LEMD1: variants seen among roughly 807,000 people sequenced by gnomAD.
LEMD1 encodes the protein LEM domain-containing protein 1.
Under a neutral mutation model 17.4 loss-of-function variants are expected in LEMD1, and 18 were observed. That is an observed-to-expected ratio of 1.04 (90% CI 0.72 to 1.54). The LOEUF is 1.54. Among genes scored for constraint, LEMD1 ranks in the 40% most tolerant of loss-of-function variants. The pLI is 0.00. For synonymous variants in LEMD1, 88 were observed against 77.8 expected (o/e 1.13, Z -0.69); for missense variants, 195 against 210.4 (o/e 0.93, Z 0.45).
At chr1:205,399,790 C>T (rs558416377) in intron 4 of LEMD1, among the ~76,000 whole-genome samples, 30 of 152,282 alleles carry the variant, frequency 2.0e-4, no homozygotes, top group Non-Finnish European at 3.5e-4. Context: ...TTCATACTTA[C>T]ATGAATGAAT....
rs1042556861 is a variant in LEMD1, at chr1:205,441,784, G to A, written c.-39+8084C>T. Among the ~76,000 whole-genome samples, 1 of 152,176 alleles carries A rather than the reference G, an allele frequency of 6.6e-6. No homozygotes were observed. The highest frequency in any genetic ancestry group is 1.5e-5 in the Non-Finnish European group (1 of 68,032). On this transcript the variant is annotated intron_variant, in intron 1 of 3. Coordinates refer to the LEMD1 transcript ENST00000367154. The surrounding 1 kb of genome is among the most constrained non-coding windows in gnomAD (Gnocchi z 4.3). The stretch of plus-strand genomic sequence containing the variant: ...AGGGTTGAGAGGTAGATACAAAAGG[G>A]TAAAGACATGGTTTCTTCCCTGGCA...
chr1:205,427,655 C>T (rs1666075129), intron 1 of LEMD1, among the ~76,000 whole-genome samples: 1 of 152,104 alleles, frequency 6.6e-6, no homozygotes, highest in Non-Finnish European at 1.5e-5. Context: ...CCTTAGAATC[C>T]AGGAGTGTTG....
intron 4 of LEMD1, among the ~76,000 whole-genome samples, chr1:205,395,420 C>T (rs566444081): frequency 2.8e-4 from 43 of 151,802 alleles, no homozygotes; most frequent in African/African-American, 1.0e-3. Context: ...CATGGAGAAA[C>T]CCTGTCTCTA....
At chr1:205,436,893 A>C (rs1401905856) in intron 1 of LEMD1, 6 of 152,284 alleles carry the variant, frequency 3.9e-5, no homozygotes, top group African/African-American at 1.4e-4. Flanking sequence ...CACATCTGAT[A>C]AGTGTGCCCT....
intron 1 of LEMD1, among the ~76,000 whole-genome samples, chr1:205,421,626 A>G (rs950546716): frequency 9.2e-5 from 14 of 152,182 alleles, no homozygotes; most frequent in Non-Finnish European, 1.2e-4. Flanking sequence ...CTTTAAAGAG[A>G]GTTACATTCT....
At chr1:205,412,624 T>C (rs541280435) in intron 4 of LEMD1, among the ~76,000 whole-genome samples, 1 of 152,338 alleles carries the variant, frequency 6.6e-6, no homozygotes, top group East Asian at 1.9e-4. Flanking sequence ...TCTCAATAAA[T>C]ACACCTTCTA....
At chr1:205,416,112 A>T in intron 4 of LEMD1, 120 bp downstream of exon 4, 1 of 607,386 alleles carries the variant, frequency 1.6e-6, no homozygotes, top group Non-Finnish European at 2.7e-6. Context: ...TTAAACTAGG[A>T]TTTTACCACT....
intron 4 of LEMD1, among the ~76,000 whole-genome samples, chr1:205,410,791 A>C (rs1332547884): frequency 6.6e-6 from 1 of 151,842 alleles, no homozygotes; most frequent in Non-Finnish European, 1.5e-5. Context: ...ACTTGAGCTC[A>C]AGGAGGTCAA....
At chr1:205,437,013 T>G (rs1666220244) in intron 1 of LEMD1, 1 of 152,494 alleles carries the variant, frequency 6.6e-6, no homozygotes. Context: ...GAGTCAGTCA[T>G]GGCAGAACAC....
At chr1:205,433,131 T>C (rs1422613595) in intron 1 of LEMD1, among the ~76,000 whole-genome samples, 1 of 152,226 alleles carries the variant, frequency 6.6e-6, no homozygotes, top group Non-Finnish European at 1.5e-5. Flanking sequence ...GTACTTTAGC[T>C]GAGGCATTTT....
In LEMD1 at chr1:205,392,591, A is replaced by T. The variant is rs532421663; in HGVS notation, c.271-8227T>A. Among the ~76,000 whole-genome samples the T allele has an allele frequency of 3.3e-5, 5 of 152,196 alleles. No individual in the cohort carries two copies. In the East Asian group the frequency reaches 9.7e-4, roughly 29 times the overall value. On this transcript the variant is annotated intron_variant, in intron 4 of 5. Transcript: ENST00000367153. ...AAAAATACAACCAAAATATGGACTC[A>T]ATGGCAGAATAGAGAAGACAGAGAA...
rs1298971590 is a variant in LEMD1, at chr1:205,431,792, C to T, written c.-38-11218G>A. ...AGTGCAGTGGTGCGATCTTGGCTCA[C>T]TGCAACCTCCGCCTCCCGGGTTCAA... On this transcript the variant is annotated intron_variant, in intron 1 of 3. Coordinates refer to the LEMD1 transcript ENST00000367154. 2.0e-5 allele frequency among the ~76,000 whole-genome samples: 3 copies of T among 152,284 alleles called. No individual in the cohort carries two copies. The East Asian group carries it at 5.8e-4, about 29-fold the overall frequency.
chr1:205,403,128 T>C (rs1168153569), intron 4 of LEMD1, among the ~76,000 whole-genome samples: 1 of 152,168 alleles, frequency 6.6e-6, no homozygotes, highest in Non-Finnish European at 1.5e-5. Flanking sequence ...GATTTTTGCA[T>C]CAATGTTCAT....
intron 4 of LEMD1, chr1:205,385,178 C>G (rs1343781278): frequency 6.6e-6 from 1 of 152,034 alleles, no homozygotes; most frequent in East Asian, 1.9e-4. Flanking sequence ...ATTTCTTCAG[C>G]CCTAATATAC....
intron 1 of LEMD1, among the ~76,000 whole-genome samples, chr1:205,427,690 C>T (rs188342327): frequency 1.3e-5 from 2 of 152,178 alleles, no homozygotes; most frequent in Non-Finnish European, 2.9e-5. Context: ...AAAGGAGACT[C>T]TGTACCAGCA....
At chr1:205,411,685 A>C (rs1248119908) in intron 4 of LEMD1, among the ~76,000 whole-genome samples, 2 of 151,816 alleles carry the variant, frequency 1.3e-5, no homozygotes, top group African/African-American at 4.8e-5. Context: ...GAAAGAAAGA[A>C]AGAAAGAAAG....
chr1:205,382,808 G>A (rs191124712), intron 5 of LEMD1, among the ~76,000 whole-genome samples: 84 of 152,276 alleles, frequency 5.5e-4, no homozygotes, highest in Non-Finnish European at 9.8e-4. Flanking sequence ...ACCTTTCAGG[G>A]TGGAGAGGAA....
rs555053979 is a variant in LEMD1, at chr1:205,395,480, G to A, written c.271-11116C>T. 3.3e-5 allele frequency among the ~76,000 whole-genome samples: 5 copies of A among 151,702 alleles called. No individual in the cohort carries two copies. In the East Asian group the frequency reaches 7.8e-4, roughly 24 times the overall value. ...TTGGTGGTGCATGCCTGTAATCCCA[G>A]CTACTCAGGAGGCTGAGCCAGGAGA... On this transcript the variant is annotated intron_variant, in intron 4 of 5. Coordinates refer to ENST00000367153, the MANE Select transcript of LEMD1 (RefSeq NM_001199050.2).
intron 4 of LEMD1, among the ~76,000 whole-genome samples, chr1:205,405,635 C>T (rs1265612752): frequency 1.0e-4 from 15 of 143,924 alleles, no homozygotes; most frequent in African/African-American, 2.1e-4. Context: ...AACTTCTTTG[C>T]CTTTGGTTTG....
Sources: gnomAD v4.1 joint callset for allele counts (sites outside exome capture counted in the v4.1 genomes callset) on GRCh38, gnomAD v4.1.1 for gene constraint, Gnocchi (gnomAD v3.1) non-coding constraint, MANE v1.5 for transcripts, NCBI Gene and HGNC (gene_info 2026-07-23, HGNC 2026-07-21) for gene names.